FANCC: variants seen among roughly 807,000 people sequenced by gnomAD.
FANCC encodes the protein FA complementation group C, also known as Fanconi anemia group C protein.
A neutral mutation model predicts 71.3 loss-of-function variants in FANCC; 55 were observed. The observed-to-expected ratio is 0.77, with a 90% CI of 0.62 to 0.97. FANCC has a LOEUF of 0.97. FANCC is among the 50% of genes least tolerant of loss of function. The probability of loss-of-function intolerance (pLI) is 0.00; values close to 1 mark genes in which losing one functional copy is unlikely to be tolerated. For synonymous variants in FANCC, 275 were observed against 244.9 expected, an observed-to-expected ratio of 1.12 and a Z score of -1.15; for missense variants, 678 against 670.9, an observed-to-expected ratio of 1.01 and a Z score of -0.12.
At chr9:95,121,293 T>C (rs1420594230) in intron 10 of FANCC, among the ~76,000 whole-genome samples, 3 of 152,090 alleles carry the variant, frequency 2.0e-5, no homozygotes, top group Admixed American at 6.6e-5. Flanking sequence ...ATAGGGCATA[T>C]TGATGGAGCT....
chr9:95,125,794 G>A (rs1403149383), intron 9 of FANCC, among the ~76,000 whole-genome samples: 3 of 152,214 alleles, frequency 2.0e-5, no homozygotes, highest in Non-Finnish European at 4.4e-5. Context: ...CTCTGCTGCT[G>A]TGTGTTAGGT....
intron 1 of FANCC, chr9:95,317,310 T>TCCCACCTCCCGCCTCCCGCCTC (rs1259856075): frequency 1.3e-5 from 2 of 148,694 alleles, no homozygotes; most frequent in African/African-American, 5.0e-5. Flanking sequence ...CCCGCCACCT[T>TCCCACCTCCCGCCTCCCGCCTC]CCGCCTCCCG....
chr9:95,126,954 T>C, intron 8 of FANCC: 1 of 278,422 alleles, frequency 3.6e-6, no homozygotes, highest in Non-Finnish European at 7.0e-6. Context: ...CTGTGTGACC[T>C]CCTCAAATGG....
intron 4 of FANCC, among the ~76,000 whole-genome samples, chr9:95,179,280 C>A (rs1444562031): frequency 2.0e-5 from 3 of 152,156 alleles, no homozygotes; most frequent in Non-Finnish European, 2.9e-5. Context: ...TCAGACAAAA[C>A]CCTGACCTAT....
chr9:95,185,184 A>G (rs1465141853), intron 4 of FANCC, among the ~76,000 whole-genome samples: 2 of 152,242 alleles, frequency 1.3e-5, no homozygotes, highest in Non-Finnish European at 2.9e-5. Context: ...TCAGTCTCCT[A>G]TTTCTTTGTA....
At chr9:95,119,372 T>C (rs965815649) in intron 10 of FANCC, among the ~76,000 whole-genome samples, 4 of 151,830 alleles carry the variant, frequency 2.6e-5, no homozygotes, top group African/African-American at 4.8e-5. Context: ...TTTCTTTTTT[T>C]TTTTTTTTAA....
At chr9:95,228,676 G>C (rs763152331) in intron 4 of FANCC, among the ~76,000 whole-genome samples, 1 of 152,180 alleles carries the variant, frequency 6.6e-6, no homozygotes, top group Non-Finnish European at 1.5e-5. Flanking sequence ...CGAAGAGAGT[G>C]AGGGTCTAGC....
intron 1 of FANCC, among the ~76,000 whole-genome samples, chr9:95,307,031 C>T (rs1189400468): frequency 6.6e-6 from 1 of 152,114 alleles, no homozygotes; most frequent in Non-Finnish European, 1.5e-5. Context: ...TCTACAGTTG[C>T]ATGTCACCAC....
At chr9:95,199,858 A>C (rs1422031427) in intron 4 of FANCC, among the ~76,000 whole-genome samples, 3 of 152,150 alleles carry the variant, frequency 2.0e-5, no homozygotes, top group Non-Finnish European at 4.4e-5. Flanking sequence ...CCTCTATACA[A>C]CAGAGAGGAC....
intron 4 of FANCC, among the ~76,000 whole-genome samples, chr9:95,177,170 C>A (rs1826058753): frequency 6.6e-6 from 1 of 152,202 alleles, no homozygotes; most frequent in Non-Finnish European, 1.5e-5. Context: ...GCCTGCTGCA[C>A]ACCTAGGCTA....
chr9:95,229,813 T>A (rs1829881986), intron 4 of FANCC, among the ~76,000 whole-genome samples: 1 of 152,024 alleles, frequency 6.6e-6, no homozygotes, highest in Non-Finnish European at 1.5e-5. Flanking sequence ...ACATTGTAAT[T>A]CTTTCATGGC....
chr9:95,244,315 T>C (rs972864473), intron 3 of FANCC, among the ~76,000 whole-genome samples: 10 of 152,186 alleles, frequency 6.6e-5, no homozygotes, highest in African/African-American at 2.4e-4. Context: ...GTATCTCTTT[T>C]TCCCTGACTG....
intron 8 of FANCC, among the ~76,000 whole-genome samples, chr9:95,134,155 G>A (rs1362799211): frequency 6.6e-6 from 1 of 152,202 alleles, no homozygotes; most frequent in Non-Finnish European, 1.5e-5. Flanking sequence ...CGCCCTGGGA[G>A]GCCAAGGGGA....
chr9:95,224,031 C>T (rs1473602562), intron 4 of FANCC, among the ~76,000 whole-genome samples: 2 of 152,106 alleles, frequency 1.3e-5, no homozygotes, highest in African/African-American at 4.8e-5. Context: ...CTATTTACAC[C>T]TTAACTTTTC....
At chr9:95,195,086 T>A (rs1564742001) in intron 4 of FANCC, among the ~76,000 whole-genome samples, 1 of 150,258 alleles carries the variant, frequency 6.7e-6, no homozygotes, top group African/African-American at 2.5e-5. Flanking sequence ...CAGTCCCAGC[T>A]ACTTGGGAGG....
intron 1 of FANCC, among the ~76,000 whole-genome samples, chr9:95,275,913 T>A (rs1326330124): frequency 6.6e-6 from 1 of 152,026 alleles, no homozygotes; most frequent in Admixed American, 6.6e-5. Flanking sequence ...GGATCATAAA[T>A]AGCAGGAGCA....
At chr9:95,198,270 C>T (rs1827580981) in intron 4 of FANCC, among the ~76,000 whole-genome samples, 1 of 152,180 alleles carries the variant, frequency 6.6e-6, no homozygotes, top group South Asian at 2.1e-4. Flanking sequence ...CACTAATCTG[C>T]TATTAAAACA....
chr9:95,170,686 CAGA>C (rs1018941100), intron 6 of FANCC, among the ~76,000 whole-genome samples: 11 of 33,312 alleles, frequency 3.3e-4, no homozygotes, highest in South Asian at 9.0e-4. Context: ...GTGTTGGGAG[CAGA>C]AGAAGGCAGA....
At chr9:95,181,093 C>G (rs1043667917) in intron 4 of FANCC, among the ~76,000 whole-genome samples, 1 of 151,784 alleles carries the variant, frequency 6.6e-6, no homozygotes, top group African/African-American at 2.4e-5. Context: ...TGCCGGAAAC[C>G]TTGAATGTAC....
Sources: gnomAD v4.1 joint callset for allele counts (sites outside exome capture counted in the v4.1 genomes callset) on GRCh38, gnomAD v4.1.1 for gene constraint, MANE v1.5 for transcripts, NCBI Gene and HGNC (gene_info 2026-07-23, HGNC 2026-07-21) for gene names.